DPP10: variants seen among roughly 807,000 people sequenced by gnomAD.
DPP10 encodes the protein inactive dipeptidyl peptidase 10.
In DPP10, 33 loss-of-function variants were observed where a neutral mutation model predicts 120.9. The observed-to-expected ratio is 0.27, with a 90% CI of 0.21 to 0.37. The LOEUF is 0.37. Among genes scored for constraint, DPP10 ranks in the 10% least tolerant of loss-of-function variants. The pLI, the probability that DPP10 is intolerant of heterozygous loss-of-function variation, is 1.00. For missense variants in DPP10, 816 were observed against 942.8 expected, an observed-to-expected ratio of 0.87 and a Z score of 1.76; for synonymous variants, 337 against 326.1, an observed-to-expected ratio of 1.03 and a Z score of -0.36.
At chr2:115,797,470 TC>T (rs1347681052) in intron 19 of DPP10, among the ~76,000 whole-genome samples, 1 of 152,026 alleles carries the variant, frequency 6.6e-6, no homozygotes, top group Admixed American at 6.6e-5. Flanking sequence ...ACATATACCG[TC>T]TGATGTGGGT....
intron 13 of DPP10, among the ~76,000 whole-genome samples, chr2:115,774,456 A>G (rs749985357): frequency 6.6e-6 from 1 of 152,106 alleles, no homozygotes; most frequent in Non-Finnish European, 1.5e-5. Flanking sequence ...AACAAGAAAG[A>G]GGAGCTATCC....
At chr2:115,456,272 G>A (rs540126546) in intron 3 of DPP10, among the ~76,000 whole-genome samples, 1,745 of 152,056 alleles carry the variant, frequency 0.011, 33 homozygotes, top group African/African-American at 0.04. Context: ...ATCATCTCAC[G>A]CCAGTTAGAA....
At chr2:115,710,317 A>G (rs1188015480) in intron 7 of DPP10, among the ~76,000 whole-genome samples, 4 of 152,154 alleles carry the variant, frequency 2.6e-5, no homozygotes, top group Non-Finnish European at 4.4e-5. Context: ...TTAAAAGCAA[A>G]AATGACAGTA....
At chr2:114,528,823 C>A (rs1573573529) in intron 1 of DPP10, among the ~76,000 whole-genome samples, 1 of 152,012 alleles carries the variant, frequency 6.6e-6, no homozygotes, top group East Asian at 1.9e-4. Context: ...GCAGCTCCTT[C>A]TTCCTGATTC....
intron 1 of DPP10, among the ~76,000 whole-genome samples, chr2:115,201,039 A>G (rs1248373716): frequency 1.3e-5 from 2 of 152,216 alleles, no homozygotes; most frequent in Non-Finnish European, 2.9e-5. Flanking sequence ...ACTTTGGATC[A>G]TCCTCCTAAT....
intron 1 of DPP10, among the ~76,000 whole-genome samples, chr2:114,702,289 T>C (rs1401852066): frequency 4.6e-5 from 7 of 152,064 alleles, no homozygotes; most frequent in African/African-American, 1.7e-4. Flanking sequence ...GAAGCAAGTT[T>C]TGAAGTGAGG....
At chr2:114,810,366 A>T (rs1685078388) in intron 1 of DPP10, among the ~76,000 whole-genome samples, 1 of 152,178 alleles carries the variant, frequency 6.6e-6, no homozygotes, top group Admixed American at 6.5e-5. Flanking sequence ...CGCCTTCTGG[A>T]GAAGTTTAAA....
At chr2:114,623,364 ACAAC>A (rs1411725563) in intron 1 of DPP10, among the ~76,000 whole-genome samples, 1 of 152,170 alleles carries the variant, frequency 6.6e-6, no homozygotes, top group African/African-American at 2.4e-5. Flanking sequence ...CCAAGATGAT[ACAAC>A]TGCCAGCAGC....
intron 1 of DPP10, among the ~76,000 whole-genome samples, chr2:114,662,633 G>A (rs72955603): frequency 0.013 from 2,024 of 152,246 alleles, 46 homozygotes; most frequent in African/African-American, 0.047. Context: ...TGGCCACCGC[G>A]TCCACGGAGA....
At chr2:115,746,860 T>C (rs545642257) in intron 10 of DPP10, among the ~76,000 whole-genome samples, 126 of 152,272 alleles carry the variant, frequency 8.3e-4, no homozygotes, top group Non-Finnish European at 1.5e-3. Flanking sequence ...ACCCTAGAGA[T>C]GGGATAGGCA....
intron 1 of DPP10, among the ~76,000 whole-genome samples, chr2:115,214,548 T>C (rs1240823435): frequency 6.6e-6 from 1 of 152,172 alleles, no homozygotes; most frequent in African/African-American, 2.4e-5. Context: ...TAGGGAAATA[T>C]TGATCAATAT....
chr2:115,262,949 C>T (rs1330553216), intron 1 of DPP10, among the ~76,000 whole-genome samples: 1 of 152,084 alleles, frequency 6.6e-6, no homozygotes, highest in Non-Finnish European at 1.5e-5. Flanking sequence ...GCATAAGCAT[C>T]CTACATTTAT....
chr2:114,823,143 A>G (rs1319384517), intron 1 of DPP10, among the ~76,000 whole-genome samples: 2 of 152,166 alleles, frequency 1.3e-5, no homozygotes, highest in African/African-American at 4.8e-5. Context: ...AGACTGGGTA[A>G]TTTATAAAGG....
At chr2:114,748,338 C>A (rs371973835) in intron 1 of DPP10, among the ~76,000 whole-genome samples, 3 of 70,296 alleles carry the variant, frequency 4.3e-5, no homozygotes, top group South Asian at 9.6e-4. Flanking sequence ...AGGGAATTTT[C>A]TTTTTTTTTT....
At chr2:115,740,440 G>A (rs1318077355) in intron 9 of DPP10, among the ~76,000 whole-genome samples, 1 of 151,886 alleles carries the variant, frequency 6.6e-6, no homozygotes, top group Non-Finnish European at 1.5e-5. Context: ...ATAAAGAAAG[G>A]ACCAAGTATA....
intron 1 of DPP10, among the ~76,000 whole-genome samples, chr2:115,229,687 CTCCTA>C (rs755003564): frequency 1.2e-4 from 16 of 134,364 alleles, no homozygotes; most frequent in African/African-American, 2.8e-4. Context: ...TTTCTGAGTT[CTCCTA>C]TTCTATTCTA....
At chr2:115,021,739 C>T (rs2105179644) in intron 1 of DPP10, among the ~76,000 whole-genome samples, 2 of 151,928 alleles carry the variant, frequency 1.3e-5, no homozygotes, top group Middle Eastern at 3.4e-3. Flanking sequence ...TATCACTGAT[C>T]AATGCAAAAT....
intron 1 of DPP10, among the ~76,000 whole-genome samples, chr2:114,805,165 A>C (rs1356803744): frequency 1.3e-5 from 2 of 152,182 alleles, no homozygotes; most frequent in Non-Finnish European, 2.9e-5. Flanking sequence ...CATGATTCTG[A>C]GGCCTCTGCA....
At chr2:115,383,095 A>T (rs1471449055) in intron 3 of DPP10, among the ~76,000 whole-genome samples, 2 of 152,228 alleles carry the variant, frequency 1.3e-5, no homozygotes, top group African/African-American at 4.8e-5. Context: ...ACAGTTTTCC[A>T]CAATGGGTAA....
Sources: allele counts gnomAD v4.1 joint callset (sites outside exome capture counted in the v4.1 genomes callset), GRCh38; gene constraint gnomAD v4.1.1; transcripts MANE v1.5; gene names NCBI Gene and HGNC (gene_info 2026-07-23, HGNC 2026-07-21).